Variants in PRKAR2B observed in about 807,000 individuals in gnomAD.
PRKAR2B encodes cAMP-dependent protein kinase type II-beta regulatory subunit.
PRKAR2B carries 14 observed loss-of-function variants against 49.9 expected under a neutral mutation model. That is an observed-to-expected ratio of 0.28 (90% CI 0.19 to 0.44). PRKAR2B has a LOEUF of 0.44. Ranked by LOEUF, PRKAR2B falls within the 20% of genes least tolerant of loss-of-function variation. The probability of loss-of-function intolerance (pLI) is 1.00; values close to 1 mark genes in which losing one functional copy is unlikely to be tolerated. For missense variants in PRKAR2B, 393 were observed against 537.9 expected, an observed-to-expected ratio of 0.73 and a Z score of 2.67; for synonymous variants, 196 against 197.7, an observed-to-expected ratio of 0.99 and a Z score of 0.07.
At chr7:107,152,558 CATTAA>C (rs1796006998) in intron 7 of PRKAR2B, among the ~76,000 whole-genome samples, 1 of 152,190 alleles carries the variant, frequency 6.6e-6, no homozygotes, top group Admixed American at 6.5e-5. Flanking sequence ...CATACTTCAT[CATTAA>C]ATTAAATGCT....
intron 4 of PRKAR2B, among the ~76,000 whole-genome samples, chr7:107,139,292 T>G (rs1373835006): frequency 6.6e-6 from 1 of 152,194 alleles, no homozygotes; most frequent in Non-Finnish European, 1.5e-5. Flanking sequence ...GGGAGCCAGC[T>G]GTTACATTGG....
chr7:107,091,445 C>G (rs1794731638), intron 2 of PRKAR2B, among the ~76,000 whole-genome samples: 2 of 152,144 alleles, frequency 1.3e-5, no homozygotes, highest in African/African-American at 2.4e-5. Flanking sequence ...TACCCTGATT[C>G]TACTAAACCT....
chr7:107,080,565 G>C (rs1025460833), intron 2 of PRKAR2B, among the ~76,000 whole-genome samples: 3 of 152,150 alleles, frequency 2.0e-5, no homozygotes, highest in Admixed American at 6.5e-5. Flanking sequence ...AAAAGATGGT[G>C]GTCTGGAGGG....
chr7:107,066,918 G>A (rs1794160742), intron 1 of PRKAR2B: 1 of 152,240 alleles, frequency 6.6e-6, no homozygotes, highest in Non-Finnish European at 1.5e-5. Context: ...AAGGAGGGCA[G>A]ATTTTACTCT....
Position 107,045,435 on chromosome 7 carries a change from C to T in PRKAR2B, c.307+221C>T, listed in dbSNP as rs77341403. The stretch of plus-strand genomic sequence containing the variant: ...CTCTGTCATACCCTCTTCCCTTCCT[C>T]TAGAGGTGGGAGAGCTGGGATGTTA... On this transcript the variant is annotated intron_variant, in intron 1 of 10. Coordinates refer to ENST00000265717, the MANE Select transcript of PRKAR2B (RefSeq NM_002736.3). Among the ~76,000 whole-genome samples the T allele has an allele frequency of 2.7e-3, 408 of 152,284 alleles. 1 individual carries two copies. The highest frequency in any genetic ancestry group is 9.7e-3 in the African/African-American group (402 of 41,562).
chr7:107,141,135 A>G (rs1271346073), intron 5 of PRKAR2B, among the ~76,000 whole-genome samples, 182 bp downstream of exon 5: 1 of 152,208 alleles, frequency 6.6e-6, no homozygotes, highest in Non-Finnish European at 1.5e-5. Context: ...TGGATCATGA[A>G]AAGAGACATA....
chr7:107,134,694 T>C (rs1277854836), intron 4 of PRKAR2B, among the ~76,000 whole-genome samples: 3 of 152,218 alleles, frequency 2.0e-5, no homozygotes, highest in African/African-American at 4.8e-5. Flanking sequence ...TATATACTTA[T>C]GGCCAATTGA....
intron 2 of PRKAR2B, among the ~76,000 whole-genome samples, chr7:107,114,938 T>C (rs1304324659): frequency 6.6e-6 from 1 of 152,094 alleles, no homozygotes; most frequent in African/African-American, 2.4e-5. Context: ...AATACTGCTG[T>C]TAAAGGGCTA....
At chr7:107,069,939 A>C in intron 1 of PRKAR2B, 1 of 167,120 alleles carries the variant, frequency 6.0e-6, no homozygotes, top group East Asian at 1.7e-4. Context: ...ATTAAGTGAC[A>C]CAAGTCTTTT....
At position 107,158,560 on chromosome 7, in the gene PRKAR2B, T is replaced by C. The variant is rs781114257; in HGVS notation, c.1124-889T>C. On this transcript the variant is annotated intron_variant, in intron 10 of 10. Transcript: ENST00000265717. ...TATACACGATAAATTAATCATTCCT[T>C]AGTGGTAAATACTTCGAAGGTTTTG... is the stretch of plus-strand genomic sequence containing the variant. 1.3e-4 allele frequency among the ~76,000 whole-genome samples: 20 copies of C among 152,202 alleles called. 1 individual carries two copies. The highest frequency in any genetic ancestry group is 2.6e-4 in the Non-Finnish European group (18 of 68,028).
intron 2 of PRKAR2B, among the ~76,000 whole-genome samples, chr7:107,112,236 A>T (rs1199859049): frequency 1.3e-5 from 2 of 150,934 alleles, no homozygotes; most frequent in Non-Finnish European, 2.9e-5. Context: ...TCTCTAATTA[A>T]TACTGACTTT....
At position 107,135,271 on chromosome 7, in the gene PRKAR2B, T is replaced by C. The variant is rs548610041; in HGVS notation, c.481-5576T>C. 2.6e-5 allele frequency among the ~76,000 whole-genome samples: 4 copies of C among 152,288 alleles called. No homozygotes were observed. In the East Asian group the frequency reaches 7.7e-4, roughly 29 times the overall value. ...TACCACTTCATCCCCACCGGGGTAGTTACAATTTTAAAAAAGGAAAATAAA... is the reference window on the plus strand; with the variant it reads ...TACCACTTCATCCCCACCGGGGTAGCTACAATTTTAAAAAAGGAAAATAAA... On this transcript the variant is annotated intron_variant, in intron 4 of 10. Transcript: ENST00000265717.
chr7:107,054,891 C>T (rs1793878948), intron 1 of PRKAR2B, among the ~76,000 whole-genome samples: 1 of 152,024 alleles, frequency 6.6e-6, no homozygotes, highest in Admixed American at 6.5e-5. Flanking sequence ...ATACATGTGC[C>T]ATGTTGGTGT....
intron 2 of PRKAR2B, among the ~76,000 whole-genome samples, chr7:107,089,373 AC>A (rs1450593997): frequency 6.6e-6 from 1 of 152,008 alleles, no homozygotes; most frequent in Non-Finnish European, 1.5e-5. Context: ...AATAATTTAT[AC>A]TCCTCCCATA....
chr7:107,110,861 G>A (rs1382351954), intron 2 of PRKAR2B, among the ~76,000 whole-genome samples: 1 of 152,148 alleles, frequency 6.6e-6, no homozygotes, highest in Non-Finnish European at 1.5e-5. Flanking sequence ...GCTACAGGGA[G>A]AGACTTCCTT....
At chr7:107,123,605 T>C (rs1192127930) in intron 3 of PRKAR2B, among the ~76,000 whole-genome samples, 1 of 152,208 alleles carries the variant, frequency 6.6e-6, no homozygotes, top group Non-Finnish European at 1.5e-5. Flanking sequence ...CCCATCTCTA[T>C]TACTGTGTCT....
intron 7 of PRKAR2B, 91 bp downstream of exon 7, chr7:107,151,114 T>TAA: frequency 1.5e-6 from 1 of 667,028 alleles, no homozygotes; most frequent in East Asian, 3.5e-5. Flanking sequence ...TTTCTTTGAA[T>TAA]AAAAAAAAAT....
intron 1 of PRKAR2B, 144 bp downstream of exon 1, chr7:107,045,358 C>T: frequency 1.4e-6 from 1 of 690,954 alleles, no homozygotes; most frequent in Non-Finnish European, 2.3e-6. Flanking sequence ...TCTCGCCCAC[C>T]CCCTCAGCAT....
intron 5 of PRKAR2B, among the ~76,000 whole-genome samples, chr7:107,142,562 C>G (rs1000054122): frequency 1.3e-4 from 20 of 152,070 alleles, no homozygotes; most frequent in African/African-American, 4.8e-4. Context: ...TCAGTTAGAT[C>G]CTAGTCACCC....
Sources: allele counts gnomAD v4.1 joint callset (sites outside exome capture counted in the v4.1 genomes callset), GRCh38; gene constraint gnomAD v4.1.1; transcripts MANE v1.5; gene names NCBI Gene and HGNC (gene_info 2026-07-23, HGNC 2026-07-21).